Variants in CNBD1 observed in about 807,000 individuals in gnomAD.
CNBD1 encodes the protein cyclic nucleotide-binding domain-containing protein 1.
A neutral mutation model predicts 54.4 loss-of-function variants in CNBD1; 71 were observed. The ratio of observed to expected loss-of-function variants is 1.30; its 90% confidence interval spans 1.08 to 1.59. The LOEUF (loss-of-function observed/expected upper bound fraction) is 1.59, where lower values mean the gene tolerates loss of function less well. CNBD1 is among the 40% of genes most tolerant of loss of function. CNBD1 has a pLI of 0.00. For missense variants in CNBD1, 659 were observed against 518.0 expected, an observed-to-expected ratio of 1.27 and a Z score of -2.64; for synonymous variants, 182 against 170.7, an observed-to-expected ratio of 1.07 and a Z score of -0.51.
At chr8:87,003,568 A>G (rs1026927867) in intron 4 of CNBD1, among the ~76,000 whole-genome samples, 7 of 152,218 alleles carry the variant, frequency 4.6e-5, no homozygotes, top group African/African-American at 1.7e-4. Context: ...TATCAGTCAA[A>G]TAGAAAAGCA....
intron 10 of CNBD1, among the ~76,000 whole-genome samples, chr8:87,373,144 G>C (rs1264865249): frequency 6.6e-6 from 1 of 151,574 alleles, no homozygotes; most frequent in Non-Finnish European, 1.5e-5. Flanking sequence ...GGAAGTTGTG[G>C]GTTTAATTAT....
At chr8:87,286,438 A>G (rs1808699531) in intron 7 of CNBD1, 101 bp from the exon 8 acceptor site, 1 of 686,376 alleles carries the variant, frequency 1.5e-6, no homozygotes, top group African/African-American at 1.8e-5. Context: ...ACTTATATTC[A>G]TATGGCCTTT....
intron 4 of CNBD1, among the ~76,000 whole-genome samples, chr8:87,028,239 G>A (rs1809699674): frequency 6.6e-6 from 1 of 152,194 alleles, no homozygotes; most frequent in South Asian, 2.1e-4. Flanking sequence ...AGATGCAGGT[G>A]CCAATTTTCA....
At chr8:87,005,961 A>G (rs1207478214) in intron 4 of CNBD1, among the ~76,000 whole-genome samples, 3 of 152,180 alleles carry the variant, frequency 2.0e-5, no homozygotes, top group African/African-American at 4.8e-5. Flanking sequence ...GAAGATTTGT[A>G]TCTCAGGGGG....
chr8:87,296,529 T>C (rs1808878635), intron 8 of CNBD1, among the ~76,000 whole-genome samples: 1 of 152,044 alleles, frequency 6.6e-6, no homozygotes, highest in East Asian at 1.9e-4. Flanking sequence ...TGAGTATGTC[T>C]AACAAGAGGA....
Position 87,236,982 on chromosome 8 carries a change from A to G in CNBD1, c.641A>G (p.Tyr214Cys), listed in dbSNP as rs751897679. 13 of 1,612,638 alleles carry G rather than the reference A, an allele frequency of 8.1e-6. No individual in the cohort carries two copies. The highest frequency in any genetic ancestry group is 1.3e-5 in the African/African-American group (1 of 74,878). The change falls in exon 6 of 11, where the codon TAT (tyrosine) becomes TGT (cysteine). Residue 214 changes from tyrosine to cysteine, a missense_variant. Tyr to Cys is a radical substitution (Grantham distance 194). Coordinates refer to ENST00000518476, the MANE Select transcript of CNBD1 (RefSeq NM_173538.3). ...KGLARPQTNVYKNLIEGSDSP... is the reference protein window; with the variant it reads ...KGLARPQTNVCKNLIEGSDSP... ...CTAGCTCGACCTCAAACAAACGTGT[A>G]TAAAAATCTGATTGAAGGAAGTGAT...
chr8:87,179,789 C>A (rs1813275652), intron 4 of CNBD1, among the ~76,000 whole-genome samples: 1 of 152,098 alleles, frequency 6.6e-6, no homozygotes, highest in South Asian at 2.1e-4. Context: ...ACAAGATAAT[C>A]AGTAAAATTT....
intron 1 of CNBD1, among the ~76,000 whole-genome samples, chr8:86,877,610 T>C (rs1808539876): frequency 6.6e-6 from 1 of 152,172 alleles, no homozygotes; most frequent in Non-Finnish European, 1.5e-5. Flanking sequence ...CTTTGAAATA[T>C]GGTAACAATT....
chr8:87,086,881 G>T (rs1235657459), intron 4 of CNBD1, among the ~76,000 whole-genome samples: 1 of 152,132 alleles, frequency 6.6e-6, no homozygotes, highest in African/African-American at 2.4e-5. Context: ...GAAAGCTTCA[G>T]TTGCATGTAA....
intron 6 of CNBD1, among the ~76,000 whole-genome samples, chr8:87,272,718 A>G (rs1337225498): frequency 6.6e-6 from 1 of 152,002 alleles, no homozygotes; most frequent in South Asian, 2.1e-4. Flanking sequence ...AAAGGGTTTT[A>G]TAACTTCAAT....
chr8:86,909,047 C>T (rs1003272663), intron 3 of CNBD1, among the ~76,000 whole-genome samples: 8 of 152,166 alleles, frequency 5.3e-5, no homozygotes, highest in African/African-American at 1.2e-4. Flanking sequence ...TGAGCCACTG[C>T]GCGGGGCCAA....
intron 6 of CNBD1, among the ~76,000 whole-genome samples, chr8:87,247,761 G>T (rs533559084): frequency 3.3e-5 from 5 of 152,242 alleles, no homozygotes; most frequent in South Asian, 4.1e-4. Flanking sequence ...ATAGAGTTAC[G>T]TGAACAGATG....
intron 4 of CNBD1, among the ~76,000 whole-genome samples, chr8:87,119,758 T>C (rs1363016726): frequency 6.6e-6 from 1 of 152,142 alleles, no homozygotes; most frequent in East Asian, 1.9e-4. Context: ...ATGTTCCTTC[T>C]ATGTCTAGTT....
chr8:86,873,993 C>A (rs1808479680), intron 1 of CNBD1, among the ~76,000 whole-genome samples: 1 of 152,140 alleles, frequency 6.6e-6, no homozygotes, highest in African/African-American at 2.4e-5. Context: ...GTAATCTAAT[C>A]CTTGGACCCC....
chr8:87,225,865 G>T (rs1420811832), intron 5 of CNBD1, among the ~76,000 whole-genome samples: 1 of 144,846 alleles, frequency 6.9e-6, no homozygotes, highest in Non-Finnish European at 1.5e-5. Context: ...GAATCCATCT[G>T]GTCCAGGACT....
At chr8:87,419,099 G>GTA (rs35289536) in intron 2 of CNBD1, among the ~76,000 whole-genome samples, 5 of 100,890 alleles carry the variant, frequency 5.0e-5, no homozygotes, top group South Asian at 4.9e-4. Flanking sequence ...CATATTATAT[G>GTA]TATATATATA....
chr8:87,238,026 A>G (rs1425457939), intron 6 of CNBD1, among the ~76,000 whole-genome samples: 1 of 139,254 alleles, frequency 7.2e-6, no homozygotes, highest in Non-Finnish European at 1.5e-5. Flanking sequence ...CAAATATGCC[A>G]CGTTTAGCAC....
chr8:87,153,839 C>A (rs1375874928), intron 4 of CNBD1, among the ~76,000 whole-genome samples: 1 of 152,200 alleles, frequency 6.6e-6, no homozygotes, highest in Admixed American at 6.5e-5. Flanking sequence ...CATCTCATTT[C>A]TTTTTGGGAG....
chr8:87,272,813 A>G (rs887976840), intron 6 of CNBD1, among the ~76,000 whole-genome samples: 1 of 151,956 alleles, frequency 6.6e-6, no homozygotes, highest in Non-Finnish European at 1.5e-5. Context: ...TTTTTAATAA[A>G]CCTTATGTGC....
Sources: allele counts gnomAD v4.1 joint callset (sites outside exome capture counted in the v4.1 genomes callset), GRCh38; gene constraint gnomAD v4.1.1; transcripts MANE v1.5; gene names NCBI Gene and HGNC (gene_info 2026-07-23, HGNC 2026-07-21).